Variants in TRABD2B observed in about 807,000 individuals in gnomAD.
TRABD2B encodes metalloprotease TIKI2.
In TRABD2B, 14 loss-of-function variants were observed where a neutral mutation model predicts 40.1. That is an observed-to-expected ratio of 0.35 (90% CI 0.23 to 0.55). The LOEUF is 0.55. Among genes scored for constraint, TRABD2B ranks in the 20% least tolerant of loss-of-function variants. The probability of loss-of-function intolerance (pLI) is 0.90; values close to 1 mark genes in which losing one functional copy is unlikely to be tolerated. For synonymous variants in TRABD2B, 263 were observed against 277.0 expected (o/e 0.95, Z 0.50); for missense variants, 541 against 648.6 (o/e 0.83, Z 1.80).
rs1322579459 is a variant in TRABD2B at position 47,848,329 on chromosome 1, AG to A, written c.667-46711del. ...CATTCCTCACAGCCAGTCTGTGACCAGGGTGAGGGGTCAGCTATGACCAGGA... is the reference window on the plus strand; with the variant it reads ...CATTCCTCACAGCCAGTCTGTGACCAGGTGAGGGGTCAGCTATGACCAGGA... On this transcript the variant is annotated intron_variant, in intron 2 of 6. Coordinates refer to ENST00000606738, the MANE Select transcript of TRABD2B (RefSeq NM_001194986.2). Among the ~76,000 whole-genome samples the A allele has an allele frequency of 2.6e-5, 4 of 152,208 alleles. No individual in the cohort carries two copies. The East Asian group carries it at 7.7e-4, about 29-fold the overall frequency.
At position 47,765,210 on chromosome 1, in the gene TRABD2B, C is replaced by G. The variant is rs1168234996; in HGVS notation, c.*692G>C. ...CTGGATCTCAGTTTATTCATTTGTT[C>G]TGTGGGGTGGGGACTGCTTTCCTCA... On this transcript the variant is annotated 3_prime_UTR_variant, in exon 7 of 7. Coordinates refer to ENST00000606738, the MANE Select transcript of TRABD2B (RefSeq NM_001194986.2). 1 of 152,374 alleles carries G rather than the reference C, an allele frequency of 6.6e-6. No individual in the cohort carries two copies. Among genetic ancestry groups the G allele is most frequent in the African/African-American group, 2.4e-5 (1 of 41,452 alleles). 9.4% of individuals were successfully genotyped at this position (152,374 alleles called of 1,614,324 possible). A position where few individuals can be genotyped will look rare whatever the true frequency, so the allele number is the denominator to read the frequency against.
At position 47,801,621 on chromosome 1, in the gene TRABD2B, T is replaced by G; in HGVS notation, c.667-2A>C. ...GGTTTGGTTCAGGGCAAACAGCACC[T>G]GGGCCGAGGAAAGAGAGAGGAATGA... On this transcript the variant is annotated splice_acceptor_variant, in intron 2 of 6. Coordinates refer to ENST00000606738, the MANE Select transcript of TRABD2B (RefSeq NM_001194986.2). LOFTEE classifies it high-confidence loss of function. 6.5e-7 allele frequency: 1 copy of G among 1,535,410 alleles called. No individual in the cohort carries two copies. Among genetic ancestry groups the G allele is most frequent in the South Asian group, 1.2e-5 (1 of 84,036 alleles).
intron 2 of TRABD2B, among the ~76,000 whole-genome samples, chr1:47,847,617 A>T (rs1269529869): frequency 6.6e-6 from 1 of 152,156 alleles, no homozygotes; most frequent in African/African-American, 2.4e-5. Context: ...ATTCCCTCAC[A>T]TCTGCTCCAG....
intron 5 of TRABD2B, 39 bp from the exon 6 acceptor site, chr1:47,775,478 A>G: frequency 8.1e-7 from 1 of 1,233,700 alleles, no homozygotes; most frequent in Non-Finnish European, 1.0e-6. Flanking sequence ...CATGTGTTGG[A>G]GAATGTCATC....
chr1:47,982,063 G>A (rs1460241695), intron 2 of TRABD2B, among the ~76,000 whole-genome samples: 1 of 152,152 alleles, frequency 6.6e-6, no homozygotes, highest in Non-Finnish European at 1.5e-5. Flanking sequence ...GTGAAGGCAA[G>A]CCAGAATGAA....
At chr1:47,833,196 G>A (rs1282476149) in intron 2 of TRABD2B, among the ~76,000 whole-genome samples, 1 of 152,198 alleles carries the variant, frequency 6.6e-6, no homozygotes, top group African/African-American at 2.4e-5. Flanking sequence ...TGGCAGAGAG[G>A]TTCTGAGCCA....
intron 2 of TRABD2B, among the ~76,000 whole-genome samples, chr1:47,947,777 G>A (rs1645280449): frequency 6.6e-6 from 1 of 152,208 alleles, no homozygotes; most frequent in Non-Finnish European, 1.5e-5. Flanking sequence ...CACATCTGCA[G>A]AGCACTTGCC....
rs1645360233 is a variant in TRABD2B, at chr1:47,839,166, T to C, written c.667-37547A>G. ...GCTCTGGTGACAGGACGTTATACAATGGAGTAAGCGTTACCCGAGAGGTCA... is the reference window on the plus strand; with the variant it reads ...GCTCTGGTGACAGGACGTTATACAACGGAGTAAGCGTTACCCGAGAGGTCA... On this transcript the variant is annotated intron_variant, in intron 2 of 6. Transcript: ENST00000606738. 2.0e-5 allele frequency among the ~76,000 whole-genome samples: 3 copies of C among 152,108 alleles called. No individual in the cohort carries two copies. In the South Asian group the frequency reaches 6.2e-4, roughly 32 times the overall value.
rs139452574 is a variant in TRABD2B at position 47,768,846 on chromosome 1, C to T, written c.1350-2740G>A. 3.9e-4 allele frequency among the ~76,000 whole-genome samples: 60 copies of T among 152,306 alleles called. No individual in the cohort carries two copies. The East Asian group carries it at 8.5e-3, about 22-fold the overall frequency. ...GACATACATTGCTTGGTGCTATACACGTGTTATGTTATTATTATTCCCCTT... is the reference window on the plus strand; with the variant it reads ...GACATACATTGCTTGGTGCTATACATGTGTTATGTTATTATTATTCCCCTT... On this transcript the variant is annotated intron_variant, in intron 6 of 6. Transcript: ENST00000606738.
intron 2 of TRABD2B, among the ~76,000 whole-genome samples, chr1:47,920,385 A>C (rs1187171930): frequency 6.6e-6 from 1 of 152,244 alleles, no homozygotes; most frequent in Non-Finnish European, 1.5e-5. Flanking sequence ...TCCTGTCCTC[A>C]AAATGATGCA....
At chr1:47,827,120 G>A (rs1645186763) in intron 2 of TRABD2B, among the ~76,000 whole-genome samples, 1 of 152,166 alleles carries the variant, frequency 6.6e-6, no homozygotes, top group African/African-American at 2.4e-5. Flanking sequence ...CGCTGGGGCT[G>A]CCAGGGATGC....
chr1:47,814,809 C>T (rs1042965499), intron 2 of TRABD2B, among the ~76,000 whole-genome samples: 3 of 152,210 alleles, frequency 2.0e-5, no homozygotes, highest in African/African-American at 7.2e-5. Context: ...GAGACAGCTG[C>T]GCAGAACTTG....
intron 2 of TRABD2B, among the ~76,000 whole-genome samples, chr1:47,868,621 G>T (rs940299273): frequency 6.6e-6 from 1 of 152,134 alleles, no homozygotes; most frequent in Non-Finnish European, 1.5e-5. Context: ...ATGCTCCTTA[G>T]GAGAATCTAA....
Position 47,997,058 on chromosome 1 carries a change from G to C in TRABD2B, c.-269C>G. On this transcript the variant is annotated 5_prime_UTR_variant, in exon 1 of 7. Transcript: ENST00000606738. ...GCTGGCCGAGCCCCCGGGTGCTGAG[G>C]GCGTGTTGGGGTCCGGGGGCGCGCG... The C allele has an allele frequency of 1.0e-6, 1 of 984,048 alleles. No homozygotes were observed. Among genetic ancestry groups the C allele is most frequent in the Non-Finnish European group, 1.2e-6 (1 of 829,468 alleles). The allele number at this position is 984,048 out of a possible 1,614,324, so 61.0% of individuals were successfully genotyped here.
At chr1:47,865,160 T>C (rs935704583) in intron 2 of TRABD2B, among the ~76,000 whole-genome samples, 2 of 152,194 alleles carry the variant, frequency 1.3e-5, no homozygotes, top group African/African-American at 4.8e-5. Context: ...CTCCCTTCTT[T>C]TGAGCAACAC....
intron 2 of TRABD2B, among the ~76,000 whole-genome samples, chr1:47,960,153 A>G (rs12404832): frequency 0.2 from 30,187 of 152,250 alleles, 3,401 homozygotes; most frequent in Admixed American, 0.26. Flanking sequence ...GGCCTTCAAC[A>G]AAATGCAACA....
At chr1:47,868,037 A>G (rs971592307) in intron 2 of TRABD2B, among the ~76,000 whole-genome samples, 9 of 152,146 alleles carry the variant, frequency 5.9e-5, no homozygotes, top group African/African-American at 1.9e-4. Context: ...TTGCTGAAAA[A>G]ACACCGTCTC....
chr1:47,943,289 C>T (rs754370009), intron 2 of TRABD2B, among the ~76,000 whole-genome samples: 2 of 152,152 alleles, frequency 1.3e-5, no homozygotes, highest in Non-Finnish European at 2.9e-5. Flanking sequence ...CCAATGTTCC[C>T]CCACAGGTAA....
chr1:47,846,894 A>G lies in TRABD2B; in HGVS notation c.667-45275T>C, dbSNP rs11211618. ...CACACACACACACACACACACACAC[A>G]CAAATGAGGGCTGGGTGCCCTCTGA... On this transcript the variant is annotated intron_variant, in intron 2 of 6. Coordinates refer to ENST00000606738, the MANE Select transcript of TRABD2B (RefSeq NM_001194986.2). Among the ~76,000 whole-genome samples the G allele has an allele frequency of 3.4e-3, 496 of 145,610 alleles. 2 individuals are homozygous for G. Among genetic ancestry groups the G allele is most frequent in the Middle Eastern group, 6.9e-3 (2 of 288 alleles).
Sources: allele counts gnomAD v4.1 joint callset (sites outside exome capture counted in the v4.1 genomes callset), GRCh38; gene constraint gnomAD v4.1.1; transcripts MANE v1.5; gene names NCBI Gene and HGNC (gene_info 2026-07-23, HGNC 2026-07-21).